Variants in PHF19 observed in about 807,000 individuals in gnomAD.
PHF19 encodes the protein polycomb like 3.
In PHF19, 21 loss-of-function variants were observed where a neutral mutation model predicts 79.8. The ratio of observed to expected loss-of-function variants is 0.26; its 90% CI spans 0.19 to 0.38. The LOEUF (loss-of-function observed/expected upper bound fraction) is 0.38. Among genes scored for constraint, PHF19 ranks in the 10% least tolerant of loss-of-function variants. The pLI is 1.00. For synonymous variants in PHF19, 273 were observed against 296.3 expected (o/e 0.92, Z 0.81); for missense variants, 445 against 744.2 (o/e 0.60, Z 4.68).
chr9:120,885,791 T>C (rs1042891084), intron 1 of PHF19, among the ~76,000 whole-genome samples: 1 of 152,166 alleles, frequency 6.6e-6, no homozygotes, highest in Non-Finnish European at 1.5e-5. Flanking sequence ...TTAAAATCCT[T>C]CTGTTTGAGT....
At chr9:120,884,957 T>A (rs2046242727) in intron 1 of PHF19, among the ~76,000 whole-genome samples, 1 of 151,674 alleles carries the variant, frequency 6.6e-6, no homozygotes, top group African/African-American at 2.4e-5. Context: ...TACCAGCCAC[T>A]CATGTAAATC....
Position 120,856,282 on chromosome 9 carries a change from G to GC in PHF19, c.*1661_*1662insG, listed in dbSNP as rs1564486568. ...CACTGTGGGAGCTGAGGTCTAAGAT[G>GC]GGGGGGCATCTAAACTATCTCAGGG... On this transcript the variant is annotated 3_prime_UTR_variant, in exon 15 of 15. Transcript: ENST00000373896. 10 of 88,824 alleles carry GC rather than the reference G, an allele frequency of 1.1e-4. No homozygotes were observed. The highest frequency in any genetic ancestry group is 6.5e-4 in the African/African-American group (6 of 9,266). The allele number at this position is 88,824 out of a possible 1,614,324, so 5.5% of individuals were successfully genotyped here.
the PHF19 span, among the ~76,000 whole-genome samples, chr9:120,901,132 G>A: frequency 7.2e-5 from 11 of 152,304 alleles, no homozygotes; most frequent in Admixed American, 5.2e-4. Context: ...TGATCTCATC[G>A]AAGCTGAAGA....
intron 6 of PHF19, chr9:120,868,634 G>A (rs887852710): frequency 5.9e-5 from 12 of 203,958 alleles, no homozygotes; most frequent in Admixed American, 2.0e-4. Flanking sequence ...GATGCCACGC[G>A]GAGCCGGCCT....
At chr9:120,894,572 G>C (rs1473208391) in intron 1 of PHF19, among the ~76,000 whole-genome samples, 1 of 152,022 alleles carries the variant, frequency 6.6e-6, no homozygotes, top group African/African-American at 2.4e-5. Context: ...AGGCCGCGGC[G>C]GGAGGCCCCT....
intron 1 of PHF19, among the ~76,000 whole-genome samples, chr9:120,886,195 C>T (rs1182696263): frequency 6.6e-6 from 1 of 152,214 alleles, no homozygotes; most frequent in African/African-American, 2.4e-5. Flanking sequence ...TGGGACATCC[C>T]TCAGGGTAGG....
In PHF19 at chr9:120,858,249, T is replaced by C. The variant is rs1189142488; in HGVS notation, c.1438A>G (p.Lys480Glu). Residue 480 changes from lysine (K) to glutamate (E), a missense_variant, in exon 15 of 15, where the codon AAG (lysine) becomes GAG (glutamate). Lys to Glu is a moderately conservative substitution (Grantham distance 56). Transcript: ENST00000373896. ...VGSRKRKLAA[K>E]AYMPLRAKRW... ...TTTGCCCGCAGGGGCATGTATGCCT[T>C]GGCTGCCAGCTTCCTCTTTCGGCTG... 6.5e-7 allele frequency: 1 copy of C among 1,546,688 alleles called. No homozygotes were observed. Among genetic ancestry groups the C allele is most frequent in the South Asian group, 1.2e-5 (1 of 81,742 alleles).
intron 1 of PHF19, among the ~76,000 whole-genome samples, chr9:120,875,538 C>T (rs979033054): frequency 6.6e-6 from 1 of 152,176 alleles, no homozygotes; most frequent in African/African-American, 2.4e-5. Flanking sequence ...TTGCCACAGC[C>T]GGCCCATTTT....
In PHF19 at chr9:120,874,141, T is replaced by G. The variant is rs1588121126; in HGVS notation, c.187-81A>C. On this transcript the variant is annotated intron_variant, in intron 2 of 14. Transcript: ENST00000373896. This position sits in a 1 kb window ranked among gnomAD's most constrained non-coding sequence, Gnocchi z 4.5. Reference sequence around the variant, plus strand: ...GAACATAGTCTTCCTCCCCCATTTTTGTCTCCGTATGTTCCAGAAAGCAGG... The same window carrying G: ...GAACATAGTCTTCCTCCCCCATTTTGGTCTCCGTATGTTCCAGAAAGCAGG... The G allele has an allele frequency of 2.7e-6, 2 of 750,444 alleles. No individual in the cohort carries two copies. The highest frequency in any genetic ancestry group is 4.9e-5 in the East Asian group (2 of 40,556). The allele number at this position is 750,444 out of a possible 1,614,324, so 46.5% of individuals were successfully genotyped here. A position where few individuals can be genotyped will look rare whatever the true frequency, so the allele number is the denominator to read the frequency against.
At chr9:120,876,735 C>T (rs981149874) in intron 1 of PHF19, among the ~76,000 whole-genome samples, 1 of 152,200 alleles carries the variant, frequency 6.6e-6, no homozygotes, top group African/African-American at 2.4e-5. Context: ...TCTCCTCAGT[C>T]GCTCGGACGC....
At position 120,869,925 on chromosome 9, in the gene PHF19, T is replaced by C. The variant is rs1335340389; in HGVS notation, c.385A>G (p.Ile129Val). The C allele has an allele frequency of 6.3e-7, 1 of 1,585,070 alleles. No homozygotes were observed. The highest frequency in any genetic ancestry group is 8.6e-7 in the Non-Finnish European group (1 of 1,166,194). The stretch of plus-strand genomic sequence containing the variant: ...TGGTCAGCACTGCCCGCTATGGGGA[T>C]GTGGCACTGCTGGTGGTAACCTACG... ...CGLGYHQQCH[I>V]PIAGSADQPL... Residue 129 changes from isoleucine (I) to valine (V), a missense_variant, in exon 5 of 15, where the codon ATC becomes GTC. Coordinates refer to ENST00000373896, the MANE Select transcript of PHF19 (RefSeq NM_015651.3). This position sits in a 1 kb window ranked among gnomAD's most constrained non-coding sequence, Gnocchi z 5.8.
At chr9:120,889,561 C>A (rs1357159396) in intron 1 of PHF19, among the ~76,000 whole-genome samples, 1 of 150,430 alleles carries the variant, frequency 6.6e-6, no homozygotes, top group Admixed American at 6.6e-5. Flanking sequence ...GGCCACATGG[C>A]GAAACCCTGC....
chr9:120,869,406 A>C lies in PHF19; in HGVS notation c.466-76T>G. ...CGAGTCAGCACGCGGCTGTCTATTGAGGGAAGTGCTGCCAGGGCTTGGGGG... is the reference window on the plus strand; with the variant it reads ...CGAGTCAGCACGCGGCTGTCTATTGCGGGAAGTGCTGCCAGGGCTTGGGGG... On this transcript the variant is annotated intron_variant, in intron 5 of 14. Transcript: ENST00000373896. The surrounding 1 kb of genome is among the most constrained non-coding windows in gnomAD (Gnocchi z 5.8). 1 of 1,509,196 alleles carries C rather than the reference A, an allele frequency of 6.6e-7. No homozygotes were observed. The highest frequency in any genetic ancestry group is 9.0e-7 in the Non-Finnish European group (1 of 1,114,612). The allele number at this position is 1,509,196 out of a possible 1,614,324, so 93.5% of individuals were successfully genotyped here. A position where few individuals can be genotyped will look rare whatever the true frequency, so the allele number is the denominator to read the frequency against.
upstream of PHF19, among the ~76,000 whole-genome samples, chr9:120,880,689 C>T (rs548004777): frequency 2.0e-5 from 3 of 152,242 alleles, no homozygotes; most frequent in East Asian, 5.8e-4. Flanking sequence ...CAGCTGGGCC[C>T]GTGGCTCAAG....
intron 1 of PHF19, among the ~76,000 whole-genome samples, chr9:120,887,930 G>A (rs570821805): frequency 4.6e-5 from 7 of 152,218 alleles, no homozygotes; most frequent in African/African-American, 1.4e-4. Context: ...CCTTGAGAAC[G>A]GAGCTCGTCC....
chr9:120,886,962 A>G (rs1463065649), intron 1 of PHF19, among the ~76,000 whole-genome samples: 1 of 151,506 alleles, frequency 6.6e-6, no homozygotes, highest in Non-Finnish European at 1.5e-5. Flanking sequence ...GCTACCCGGG[A>G]GGCTGAGGCA....
chr9:120,882,842 C>CAA (rs35003037), intron 1 of PHF19, among the ~76,000 whole-genome samples: 2,495 of 109,464 alleles, frequency 0.023, 44 homozygotes, highest in African/African-American at 0.041. Flanking sequence ...AACTCCATCT[C>CAA]AAAAAAAAAA....
At chr9:120,898,975 G>A (rs578158664), upstream of PHF19, among the ~76,000 whole-genome samples, 35 of 152,234 alleles carry the variant, frequency 2.3e-4, no homozygotes, top group African/African-American at 8.4e-4. Context: ...AAGGCAGGTG[G>A]ATTACCTGAG....
chr9:120,882,552 T>A (rs1370468089), intron 1 of PHF19, among the ~76,000 whole-genome samples: 2 of 152,280 alleles, frequency 1.3e-5, no homozygotes, highest in South Asian at 4.1e-4. Context: ...TATATGAAAG[T>A]GCTCTACAGC....
Sources: allele counts gnomAD v4.1 joint callset (sites outside exome capture counted in the v4.1 genomes callset), GRCh38; gene constraint gnomAD v4.1.1; non-coding constraint Gnocchi (gnomAD v3.1); transcripts MANE v1.5; gene names NCBI Gene and HGNC (gene_info 2026-07-23, HGNC 2026-07-21).